POLD1: variants seen among roughly 807,000 people sequenced by gnomAD.
The protein encoded by POLD1 is DNA polymerase delta 1, catalytic subunit, also known as DNA polymerase delta catalytic subunit.
Under a neutral mutation model 129.7 loss-of-function variants are expected in POLD1, and 79 were observed. The ratio of observed to expected loss-of-function variants is 0.61; its 90% CI spans 0.51 to 0.73. The LOEUF (loss-of-function observed/expected upper bound fraction) is 0.73, where lower values mean the gene tolerates loss of function less well. Ranked by LOEUF, POLD1 falls within the 30% of genes least tolerant of loss-of-function variation. POLD1 has a pLI of 0.00. For synonymous variants in POLD1, 714 were observed against 683.3 expected (o/e 1.04, Z -0.70); for missense variants, 1,338 against 1,595.8 (o/e 0.84, Z 2.75).
intron 1 of POLD1, among the ~76,000 whole-genome samples, chr19:50,392,595 A>C (rs2122131699): frequency 6.6e-6 from 1 of 152,268 alleles, no homozygotes; most frequent in East Asian, 1.9e-4. Context: ...CTCCTGCCTC[A>C]GCCTCCCAAG....
At chr19:50,394,270 C>T (rs574971810) in intron 1 of POLD1, among the ~76,000 whole-genome samples, 1 of 152,322 alleles carries the variant, frequency 6.6e-6, no homozygotes, top group African/African-American at 2.4e-5. Flanking sequence ...GCCCTCCTGG[C>T]AGCGCACACT....
chr19:50,410,258 G>A (rs1233497221), intron 17 of POLD1, among the ~76,000 whole-genome samples: 1 of 152,216 alleles, frequency 6.6e-6, no homozygotes, highest in Non-Finnish European at 1.5e-5. Flanking sequence ...CCCAGCTCCT[G>A]GCATATGAGG....
intron 19 of POLD1, among the ~76,000 whole-genome samples, chr19:50,414,340 A>G (rs1437354869): frequency 1.3e-5 from 2 of 151,974 alleles, no homozygotes; most frequent in African/African-American, 4.8e-5. Context: ...GCAGCCTCCA[A>G]CTCCTGGGCT....
At chr19:50,399,567 T>C (rs1193609710) in intron 3 of POLD1, 83 bp downstream of exon 3, 2 of 1,029,674 alleles carry the variant, frequency 1.9e-6, no homozygotes, top group African/African-American at 3.2e-5. Flanking sequence ...TCTGGCCCTG[T>C]GCTCCTGGGG....
intron 1 of POLD1, among the ~76,000 whole-genome samples, chr19:50,396,071 T>A (rs555498634): frequency 6.8e-6 from 1 of 147,876 alleles, no homozygotes; most frequent in Non-Finnish European, 1.5e-5. Context: ...TTAATTGTTG[T>A]TGTTGGTGGT....
At chr19:50,388,945 A>G (rs907817828) in intron 1 of POLD1, among the ~76,000 whole-genome samples, 1 of 142,808 alleles carries the variant, frequency 7.0e-6, no homozygotes, top group Admixed American at 7.8e-5. Context: ...CGATTCTCCT[A>G]TTGCAGCTTC....
In POLD1 at chr19:50,407,128, T is replaced by G; in HGVS notation, c.1640T>G (p.Leu547Arg). 2 of 1,613,320 alleles carry G rather than the reference T, an allele frequency of 1.2e-6. No homozygotes were observed. Among genetic ancestry groups the G allele is most frequent in the Non-Finnish European group, 1.7e-6 (2 of 1,179,856 alleles). The change falls in exon 13 of 27, where the codon CTC (leucine) becomes CGC (arginine). Residue 547 changes from leucine (L) to arginine (R), a missense_variant. Coordinates refer to ENST00000440232, the MANE Select transcript of POLD1 (RefSeq NM_002691.4). ...ACTGGCGTGCCCCTCAGCTACCTGC[T>G]CAGTCGTGGCCAGCAGGTCAAGGTC... ...RVTGVPLSYLLSRGQQVKVVS... is the reference protein window; with the variant it reads ...RVTGVPLSYLRSRGQQVKVVS...
chr19:50,417,854 C>T lies in POLD1; in HGVS notation c.3231C>T (p.Pro1077=), dbSNP rs770660636. The change falls in exon 27 of 27, where the codon CCC becomes CCT. Residue 1077 remains proline, a synonymous_variant. Transcript: ENST00000440232. ...CCCCCACCCGCAGCCGGGACTGCCC[C>T]ATCTTCTACATGCGCAAGAAGGTGC... ...EDVICTSRDC[P]IFYMRKKVRK... 120 of 1,605,944 alleles carry T rather than the reference C, an allele frequency of 7.5e-5. No individual in the cohort carries two copies. The highest frequency in any genetic ancestry group is 9.9e-5 in the Non-Finnish European group (117 of 1,176,276).
rs760003191 is a variant in POLD1, at chr19:50,402,378, G to A, written c.758+5G>A. On this transcript the variant is annotated splice_donor_5th_base_variant and intron_variant, in intron 6 of 26. Coordinates refer to ENST00000440232, the MANE Select transcript of POLD1 (RefSeq NM_002691.4). ...CAACGTCGACTTTGAGATCCGGTAC[G>A]GCCTCTGCCTCACTTCTCCGGCCTC... 19 of 1,612,836 alleles carry A rather than the reference G, an allele frequency of 1.2e-5. No homozygotes were observed. The highest frequency in any genetic ancestry group is 6.7e-5 in the African/African-American group (5 of 74,914).
chr19:50,396,812 C>T (rs2038383443), intron 1 of POLD1, among the ~76,000 whole-genome samples: 1 of 152,090 alleles, frequency 6.6e-6, no homozygotes, highest in Non-Finnish European at 1.5e-5. Flanking sequence ...TAAGAAAACA[C>T]AGGCCAGGCT....
intron 17 of POLD1, among the ~76,000 whole-genome samples, chr19:50,413,152 C>T (rs918373696): frequency 1.3e-5 from 2 of 152,116 alleles, no homozygotes; most frequent in African/African-American, 2.4e-5. Context: ...CTCTTCAGGC[C>T]GCAGTCTTTC....
chr19:50,409,433 A>G lies in POLD1; in HGVS notation c.2007-86A>G, dbSNP rs1377659557. The G allele has an allele frequency of 7.7e-6, 12 of 1,563,976 alleles. No individual in the cohort carries two copies. The highest frequency in any genetic ancestry group is 2.7e-5 in the African/African-American group (2 of 74,016). ...TTCTGTGCAGTGCACAGTACGCCCA[A>G]CCGTACATGGCACTCACTTCCAGAA... is the stretch of plus-strand genomic sequence containing the variant. On this transcript the variant is annotated intron_variant, in intron 16 of 26. Transcript: ENST00000440232. The surrounding 1 kb of genome is among the most constrained non-coding windows in gnomAD (Gnocchi z 5.8).
At chr19:50,415,126 C>T (rs549194394) in intron 20 of POLD1, 136 bp downstream of exon 20, 3 of 847,372 alleles carry the variant, frequency 3.5e-6, no homozygotes, top group Admixed American at 6.4e-5. Context: ...CTCCTCAGAT[C>T]CCGGGGTCAG....
Position 50,409,770 on chromosome 19 carries a change from C to T in POLD1, c.2154+104C>T. 2.0e-5 allele frequency: 26 copies of T among 1,268,606 alleles called. No homozygotes were observed. The highest frequency in any genetic ancestry group is 2.7e-5 in the Non-Finnish European group (25 of 912,882). 78.6% of individuals were successfully genotyped at this position (1,268,606 alleles called of 1,614,324 possible). On this transcript the variant is annotated intron_variant, in intron 17 of 26. Coordinates refer to ENST00000440232, the MANE Select transcript of POLD1 (RefSeq NM_002691.4). This position sits in a 1 kb window ranked among gnomAD's most constrained non-coding sequence, Gnocchi z 5.8. The stretch of plus-strand genomic sequence containing the variant: ...CCTGTATCCAGAGGACTGGGCACCC[C>T]AACTCACTGGCCTTCTAGAGAGAGG...
rs955281460 is a variant in POLD1, at chr19:50,408,806, C to T, written c.1797C>T (p.Ala599=). Reference sequence around the variant, plus strand: ...CCAGGTACTACGACGTCCCCATCGCCACCCTGGACTTCTCCTCGCTGTACC... The same window carrying T: ...CCAGGTACTACGACGTCCCCATCGCTACCCTGGACTTCTCCTCGCTGTACC... ...PLKGYYDVPI[A]TLDFSSLYPS... The change falls in exon 15 of 27, where the codon GCC becomes GCT. Residue 599 remains alanine (A), a synonymous_variant. Coordinates refer to ENST00000440232, the MANE Select transcript of POLD1 (RefSeq NM_002691.4). The T allele has an allele frequency of 6.2e-7, 1 of 1,613,838 alleles. No homozygotes were observed. Among genetic ancestry groups the T allele is most frequent in the Non-Finnish European group, 8.5e-7 (1 of 1,179,966 alleles).
At position 50,415,451 on chromosome 19, in the gene POLD1, G is replaced by A. The variant is rs768799892; in HGVS notation, c.2578G>A (p.Ala860Thr). 6.2e-6 allele frequency: 10 copies of A among 1,612,676 alleles called. No homozygotes were observed. Among genetic ancestry groups the A allele is most frequent in the South Asian group, 1.1e-5 (1 of 91,050 alleles). Residue 860 changes from alanine (A) to threonine (T), a missense_variant, in exon 21 of 27, where the codon GCG (alanine) becomes ACG (threonine). By Grantham distance (58) the Ala-to-Thr change is moderately conservative. This residue lies in a region of POLD1 where 720 missense variants were observed against 1,002.6 expected (regional missense o/e 0.72). Coordinates refer to ENST00000440232, the MANE Select transcript of POLD1 (RefSeq NM_002691.4). ...GCTCTCCTACAGAGACCCTGAGGGCGCGGTGGCTCACGCACAGGACGTCAT... is the reference window on the plus strand; with the variant it reads ...GCTCTCCTACAGAGACCCTGAGGGCACGGTGGCTCACGCACAGGACGTCAT... ...RLLIDRDPEG[A>T]VAHAQDVISD...
chr19:50,417,416 G>A (rs896754276), intron 26 of POLD1, 147 bp downstream of exon 26: 1 of 624,626 alleles, frequency 1.6e-6, no homozygotes, highest in African/African-American at 1.8e-5. Context: ...CTGAGCCTCA[G>A]TGTCCTTGTC....
Position 50,414,863 on chromosome 19 carries a change from CTCT to C in POLD1, c.2441_2443del (p.Phe814del). On this transcript the variant is annotated inframe_deletion, in exon 20 of 27. Coordinates refer to ENST00000440232, the MANE Select transcript of POLD1 (RefSeq NM_002691.4). ...CAGCAAGAAGCGCTACGCGGGCCTG[CTCT>C]TCTCCTCCCGGCCCGACGCCCACGA... is the stretch of plus-strand genomic sequence containing the variant. 6.2e-7 allele frequency: 1 copy of C among 1,604,824 alleles called. No individual in the cohort carries two copies. Among genetic ancestry groups the C allele is most frequent in the Non-Finnish European group, 8.5e-7 (1 of 1,174,058 alleles).
At position 50,415,585 on chromosome 19, in the gene POLD1, C is replaced by T. The variant is rs770882217; in HGVS notation, c.2712C>T (p.Ala904=). 52 of 1,610,822 alleles carry T rather than the reference C, an allele frequency of 3.2e-5. No homozygotes were observed. The highest frequency in any genetic ancestry group is 3.8e-5 in the Non-Finnish European group (45 of 1,178,550). ...YAGKQAHVEL[A]ERMRKRDPGS... ...GCAAGCAGGCCCACGTGGAGCTGGCCGAGAGGTCCTGCGCGGGGCGGGTGG... is the reference window on the plus strand; with the variant it reads ...GCAAGCAGGCCCACGTGGAGCTGGCTGAGAGGTCCTGCGCGGGGCGGGTGG... Residue 904 remains alanine, a synonymous_variant, in exon 21 of 27, where the codon GCC becomes GCT. Transcript: ENST00000440232.
Sources: gnomAD v4.1 joint callset for allele counts (sites outside exome capture counted in the v4.1 genomes callset) on GRCh38, gnomAD v4.1.1 for gene constraint, gnomAD v4.1.1 regional missense constraint, Gnocchi (gnomAD v3.1) non-coding constraint, MANE v1.5 for transcripts, NCBI Gene and HGNC (gene_info 2026-07-23, HGNC 2026-07-21) for gene names.